MIPOL1: variants seen among roughly 807,000 people sequenced by gnomAD.
The protein encoded by MIPOL1 is mirror-image polydactyly 1.
Under a neutral mutation model 60.9 loss-of-function variants are expected in MIPOL1, and 57 were observed. The ratio of observed to expected loss-of-function variants is 0.94; its 90% CI spans 0.76 to 1.17. The LOEUF is 1.17. Among genes scored for constraint, MIPOL1 ranks in the 50% most tolerant of loss-of-function variants. The pLI, the probability that MIPOL1 is intolerant of heterozygous loss-of-function variation, is 0.00. For missense variants in MIPOL1, 551 were observed against 511.6 expected (o/e 1.08, Z -0.74); for synonymous variants, 179 against 168.8 (o/e 1.06, Z -0.47).
Position 37,333,431 on chromosome 14 carries a change from T to C in MIPOL1, c.828+24912T>C, listed in dbSNP as rs530871723. On this transcript the variant is annotated intron_variant, in intron 9 of 12. Transcript: ENST00000684589. ...TGTGTTGTTCAAGGACCAACTGTAC[T>C]CCAATTAAAGACAGATACTGTGACA... is the stretch of plus-strand genomic sequence containing the variant. 1.2e-4 allele frequency among the ~76,000 whole-genome samples: 18 copies of C among 152,178 alleles called. 1 individual carries two copies. The South Asian group carries it at 3.5e-3, about 30-fold the overall frequency.
intron 12 of MIPOL1, among the ~76,000 whole-genome samples, chr14:37,538,590 G>A (rs1009633365): frequency 1.3e-5 from 2 of 152,112 alleles, no homozygotes; most frequent in African/African-American, 4.8e-5. Context: ...TACTATAGTG[G>A]GATAAAAAAT....
intron 12 of MIPOL1, among the ~76,000 whole-genome samples, chr14:37,513,395 C>T (rs2095344427): frequency 1.3e-5 from 2 of 152,006 alleles, no homozygotes; most frequent in African/African-American, 2.4e-5. Flanking sequence ...CAATGTTTGA[C>T]AAGTACATAA....
chr14:37,430,717 G>A (rs2094048678), intron 11 of MIPOL1, among the ~76,000 whole-genome samples: 1 of 152,014 alleles, frequency 6.6e-6, no homozygotes, highest in African/African-American at 2.4e-5. Flanking sequence ...TTTGAAAACT[G>A]TGAAGCACTG....
chr14:37,215,702 A>G (rs1967534393), intron 1 of MIPOL1, among the ~76,000 whole-genome samples: 1 of 152,306 alleles, frequency 6.6e-6, no homozygotes, highest in East Asian at 1.9e-4. Context: ...GGCTGAATTG[A>G]TGAAAAAACA....
chr14:37,473,019 A>G (rs1237026923), intron 11 of MIPOL1, among the ~76,000 whole-genome samples: 1 of 152,114 alleles, frequency 6.6e-6, no homozygotes, highest in Admixed American at 6.5e-5. Flanking sequence ...TGGCCCCTAC[A>G]AGCCTCATGT....
intron 9 of MIPOL1, among the ~76,000 whole-genome samples, chr14:37,361,792 A>G (rs772387036): frequency 1.3e-5 from 2 of 151,588 alleles, no homozygotes; most frequent in Admixed American, 1.3e-4. Context: ...TATTTTTCGT[A>G]GAGTCCGGGT....
At chr14:37,360,281 C>T (rs2092148195) in intron 9 of MIPOL1, among the ~76,000 whole-genome samples, 1 of 152,052 alleles carries the variant, frequency 6.6e-6, no homozygotes, top group Non-Finnish European at 1.5e-5. Context: ...CTAAAATTCC[C>T]TTTTTTTGTT....
At chr14:37,348,091 T>TACTAG (rs2153469393) in intron 9 of MIPOL1, among the ~76,000 whole-genome samples, 2 of 152,232 alleles carry the variant, frequency 1.3e-5, no homozygotes, top group South Asian at 4.1e-4. Context: ...TAGTCCCTAG[T>TACTAG]GTCTTGTTAT....
chr14:37,212,162 C>T (rs961762621), intron 1 of MIPOL1: 4 of 152,072 alleles, frequency 2.6e-5, no homozygotes, highest in African/African-American at 9.7e-5. Flanking sequence ...GGCTATGACG[C>T]AAAACTCTTT....
intron 12 of MIPOL1, chr14:37,545,906 G>C: frequency 6.0e-6 from 2 of 335,414 alleles, no homozygotes; most frequent in Admixed American, 9.9e-5. Flanking sequence ...GCCGCTTACC[G>C]TAAAGTCTTT....
At chr14:37,507,285 A>C (rs1239530855) in intron 12 of MIPOL1, 1 of 152,148 alleles carries the variant, frequency 6.6e-6, no homozygotes, top group African/African-American at 2.4e-5. Flanking sequence ...AAATCATTTT[A>C]TGATAAAGAT....
Position 37,268,735 on chromosome 14 carries a change from A to G in MIPOL1, c.329A>G (p.Glu110Gly), listed in dbSNP as rs140903201. 14 of 1,597,660 alleles carry G rather than the reference A, an allele frequency of 8.8e-6. No individual in the cohort carries two copies. In the African/African-American group the frequency reaches 1.9e-4, roughly 22 times the overall value. Residue 110 changes from glutamate to glycine, a missense_variant, in exon 5 of 13, where the codon GAG becomes GGG. Transcript: ENST00000684589. ...CAAGTTACTTCAGACTCAGATAAAG[A>G]GAAGACAATAGCATTTCTTCTAAAA... The part of the protein sequence containing the change: ...PCQVTSDSDK[E>G]KTIAFLLKEL...
At position 37,500,143 on chromosome 14, in the gene MIPOL1, G is replaced by C; in HGVS notation, c.1262+5G>C. Reference sequence around the variant, plus strand: ...GGCCAATGAAAAAGTTCAAAAGTAAGTTAAATGATCTTGTAATAATACTTC... The same window carrying C: ...GGCCAATGAAAAAGTTCAAAAGTAACTTAAATGATCTTGTAATAATACTTC... On this transcript the variant is annotated splice_donor_5th_base_variant and intron_variant, in intron 12 of 12. Coordinates refer to ENST00000684589, the MANE Select transcript of MIPOL1 (RefSeq NM_001388067.1). The C allele has an allele frequency of 6.3e-7, 1 of 1,575,956 alleles. No individual in the cohort carries two copies. The highest frequency in any genetic ancestry group is 8.7e-7 in the Non-Finnish European group (1 of 1,152,714).
intron 1 of MIPOL1, among the ~76,000 whole-genome samples, chr14:37,216,829 A>T (rs1442232233): frequency 6.6e-6 from 1 of 152,226 alleles, no homozygotes; most frequent in Non-Finnish European, 1.5e-5. Context: ...TACATTAAAA[A>T]AGAGGAAATA....
intron 7 of MIPOL1, among the ~76,000 whole-genome samples, chr14:37,299,497 T>C (rs2086168349): frequency 6.6e-6 from 1 of 152,074 alleles, no homozygotes; most frequent in South Asian, 2.1e-4. Context: ...TTCTTTACCA[T>C]TTGGTTAAGT....
intron 9 of MIPOL1, among the ~76,000 whole-genome samples, chr14:37,365,934 A>G (rs2092456254): frequency 6.6e-6 from 1 of 151,958 alleles, no homozygotes; most frequent in African/African-American, 2.4e-5. Flanking sequence ...GCTCAATCTC[A>G]GTAGGTTGTT....
intron 6 of MIPOL1, among the ~76,000 whole-genome samples, chr14:37,281,444 G>T (rs943495676): frequency 6.6e-6 from 1 of 151,930 alleles, no homozygotes; most frequent in Non-Finnish European, 1.5e-5. Context: ...TTGCTCTGTC[G>T]CCCAGGCTGG....
chr14:37,354,288 C>G (rs1273348460), intron 9 of MIPOL1, among the ~76,000 whole-genome samples: 5 of 146,198 alleles, frequency 3.4e-5, no homozygotes, highest in African/African-American at 7.6e-5. Context: ...GTTATAATTT[C>G]TGTTCTTTTA....
intron 2 of MIPOL1, among the ~76,000 whole-genome samples, chr14:37,247,464 A>C (rs2153355413): frequency 6.6e-6 from 1 of 152,170 alleles, no homozygotes; most frequent in South Asian, 2.1e-4. Flanking sequence ...TCAAATCAGT[A>C]AATTTGAAAT....
Sources: allele counts gnomAD v4.1 joint callset (sites outside exome capture counted in the v4.1 genomes callset), GRCh38; gene constraint gnomAD v4.1.1; transcripts MANE v1.5; gene names NCBI Gene and HGNC (gene_info 2026-07-23, HGNC 2026-07-21).